DDR2: variants seen among roughly 807,000 people sequenced by gnomAD.
The protein encoded by DDR2 is discoidin domain receptor tyrosine kinase 2.
In DDR2, 27 loss-of-function variants were observed where a neutral mutation model predicts 94.9. That is an observed-to-expected ratio of 0.28 (90% CI 0.21 to 0.39). The LOEUF is 0.39. Among genes scored for constraint, DDR2 ranks in the 10% least tolerant of loss-of-function variants. DDR2 has a pLI of 1.00. For synonymous variants in DDR2, 382 were observed against 377.2 expected (o/e 1.01, Z -0.15); for missense variants, 783 against 1,076.0 (o/e 0.73, Z 3.81).
At chr1:162,760,045 G>T in intron 8 of DDR2, 66 bp downstream of exon 8, 3 of 1,609,264 alleles carry the variant, frequency 1.9e-6, no homozygotes, top group East Asian at 2.2e-5. Context: ...GTAGAGAAAA[G>T]GCATGCTAGA....
At chr1:162,768,691 G>T (rs1353212972) in intron 11 of DDR2, among the ~76,000 whole-genome samples, 1 of 152,196 alleles carries the variant, frequency 6.6e-6, no homozygotes, top group Non-Finnish European at 1.5e-5. Flanking sequence ...TTCCTGAGAT[G>T]GTTGATGTTT....
At chr1:162,631,151 A>G (rs921086429), upstream of DDR2, among the ~76,000 whole-genome samples, 7 of 150,630 alleles carry the variant, frequency 4.6e-5, no homozygotes, top group Admixed American at 2.7e-4. Flanking sequence ...CACTGACTCA[A>G]CACTAGCTCT....
intron 16 of DDR2, among the ~76,000 whole-genome samples, chr1:162,776,733 A>G (rs1351444795): frequency 2.0e-5 from 3 of 152,196 alleles, no homozygotes; most frequent in East Asian, 3.8e-4. Context: ...TTTCATAAGC[A>G]TGTTTCTCAT....
At chr1:162,745,728 AT>A (rs1363634104) in intron 3 of DDR2, among the ~76,000 whole-genome samples, 2 of 152,156 alleles carry the variant, frequency 1.3e-5, no homozygotes, top group East Asian at 3.8e-4. Flanking sequence ...TTTCTAAAAT[AT>A]TTTGAAATTA....
At chr1:162,726,852 G>A (rs951237371) in intron 3 of DDR2, among the ~76,000 whole-genome samples, 6 of 151,984 alleles carry the variant, frequency 3.9e-5, no homozygotes, top group African/African-American at 9.7e-5. Context: ...TTAGGTCCGT[G>A]CATCACTGCT....
chr1:162,706,053 G>A (rs1332045995), intron 2 of DDR2, among the ~76,000 whole-genome samples: 1 of 152,216 alleles, frequency 6.6e-6, no homozygotes, highest in Non-Finnish European at 1.5e-5. Context: ...TTGGGGAATA[G>A]GTGCAGTGGA....
chr1:162,687,288 A>T (rs1571198975), intron 2 of DDR2, among the ~76,000 whole-genome samples: 1 of 152,222 alleles, frequency 6.6e-6, no homozygotes, highest in East Asian at 1.9e-4. Context: ...TTGTATGCCC[A>T]GTGGCCTGGT....
At chr1:162,683,905 C>G (rs1423550969) in intron 2 of DDR2, among the ~76,000 whole-genome samples, 1 of 151,966 alleles carries the variant, frequency 6.6e-6, no homozygotes, top group African/African-American at 2.4e-5. Flanking sequence ...AAAATTTTGA[C>G]TAAAGGCTGA....
At chr1:162,648,174 G>A (rs186738248) in intron 1 of DDR2, among the ~76,000 whole-genome samples, 253 of 152,014 alleles carry the variant, frequency 1.7e-3, no homozygotes, top group African/African-American at 5.9e-3. Flanking sequence ...AGCAATGCAA[G>A]TAAATGGGGG....
At chr1:162,674,934 A>C (rs564131329) in intron 2 of DDR2, among the ~76,000 whole-genome samples, 6 of 152,170 alleles carry the variant, frequency 3.9e-5, no homozygotes, top group Non-Finnish European at 7.4e-5. Flanking sequence ...CGGGTGGATC[A>C]CCTGAGGTCA....
At chr1:162,762,474 A>T (rs1458627496) in intron 9 of DDR2, among the ~76,000 whole-genome samples, 1 of 152,200 alleles carries the variant, frequency 6.6e-6, no homozygotes, top group African/African-American at 2.4e-5. Flanking sequence ...TTCCTCATGA[A>T]CTTTTTCCCT....
intron 3 of DDR2, 94 bp from the exon 4 acceptor site, chr1:162,753,001 C>A: frequency 9.1e-7 from 1 of 1,094,392 alleles, no homozygotes; most frequent in Non-Finnish European, 1.4e-6. Flanking sequence ...TTCTCTTATT[C>A]CTTGTTCAAT....
At chr1:162,665,099 G>C (rs551323290) in intron 2 of DDR2, among the ~76,000 whole-genome samples, 1 of 152,064 alleles carries the variant, frequency 6.6e-6, no homozygotes, top group South Asian at 2.1e-4. Context: ...AGTTTCCTAC[G>C]TATATTTTCT....
intron 2 of DDR2, among the ~76,000 whole-genome samples, chr1:162,707,520 TA>T (rs1660716621): frequency 1.3e-5 from 2 of 152,222 alleles, no homozygotes; most frequent in Non-Finnish European, 2.9e-5. Context: ...CAGGTCCACT[TA>T]TACATCTTCT....
chr1:162,764,589 G>A (rs1415839749), intron 9 of DDR2, among the ~76,000 whole-genome samples: 1 of 151,976 alleles, frequency 6.6e-6, no homozygotes, highest in Non-Finnish European at 1.5e-5. Context: ...CACTTTGGGA[G>A]GCCAAGGCAG....
At chr1:162,658,484 G>T (rs1658119322) in intron 2 of DDR2, among the ~76,000 whole-genome samples, 2 of 152,084 alleles carry the variant, frequency 1.3e-5, no homozygotes, top group African/African-American at 4.8e-5. Context: ...ATCTACAGCT[G>T]CTGTGGATGT....
intron 2 of DDR2, among the ~76,000 whole-genome samples, chr1:162,701,375 C>T (rs375918976): frequency 1.3e-5 from 2 of 152,340 alleles, no homozygotes; most frequent in African/African-American, 4.8e-5. Context: ...CTGGTATTTA[C>T]GTGTGTAGGT....
chr1:162,708,197 G>A (rs1168594855), intron 2 of DDR2, among the ~76,000 whole-genome samples: 1 of 152,214 alleles, frequency 6.6e-6, no homozygotes, highest in African/African-American at 2.4e-5. Context: ...CCTGCCTGGT[G>A]TCTGGGAAGT....
At position 162,633,798 on chromosome 1, in the gene DDR2, AAAG is replaced by A. The variant is rs576064808; in HGVS notation, c.-192+1171_-192+1173del. Among the ~76,000 whole-genome samples, 32 of 152,358 alleles carry A rather than the reference AAAG, an allele frequency of 2.1e-4. 1 individual carries two copies. The East Asian group carries it at 6.2e-3, about 29-fold the overall frequency. ...ATATTTGTGTGTGTGTGTAAAATAA[AAAG>A]AAGCTAAATTCTGAGTATTTTCTAT... On this transcript the variant is annotated intron_variant, in intron 1 of 17. Transcript: ENST00000367921.
Sources: allele counts gnomAD v4.1 joint callset (sites outside exome capture counted in the v4.1 genomes callset), GRCh38; gene constraint gnomAD v4.1.1; transcripts MANE v1.5; gene names NCBI Gene and HGNC (gene_info 2026-07-23, HGNC 2026-07-21).